The following NIBAN1 variants were observed in gnomAD, a reference collection of about 807,000 sequenced individuals.
NIBAN1 encodes niban apoptosis regulator 1, also known as protein Niban 1.
NIBAN1 carries 81 observed loss-of-function variants against 75.1 expected under a neutral mutation model. The ratio of observed to expected loss-of-function variants is 1.08; its 90% CI spans 0.90 to 1.30. The LOEUF is 1.30. Ranked by LOEUF, NIBAN1 falls within the 50% of genes most tolerant of loss-of-function variation. The pLI, the probability that NIBAN1 is intolerant of heterozygous loss-of-function variation, is 0.00. For missense variants in NIBAN1, 1,133 were observed against 1,128.1 expected (o/e 1.00, Z -0.06); for synonymous variants, 436 against 424.8 (o/e 1.03, Z -0.32).
chr1:184,807,320 G>GAAA (rs34125405), intron 10 of NIBAN1, among the ~76,000 whole-genome samples: 2 of 134,304 alleles, frequency 1.5e-5, no homozygotes, highest in Middle Eastern at 3.7e-3. Flanking sequence ...GGTTCCTTAT[G>GAAA]AAAAAAAAAA....
chr1:184,933,645 T>C (rs1362427438), intron 1 of NIBAN1, among the ~76,000 whole-genome samples: 1 of 152,230 alleles, frequency 6.6e-6, no homozygotes, highest in Non-Finnish European at 1.5e-5. Flanking sequence ...GGAAATGAAA[T>C]GTAGTTTTAT....
chr1:184,888,876 G>C (rs1378270184), intron 4 of NIBAN1, among the ~76,000 whole-genome samples: 1 of 152,172 alleles, frequency 6.6e-6, no homozygotes, highest in Non-Finnish European at 1.5e-5. Flanking sequence ...TGCACATAAA[G>C]TGTTGTTTTA....
At chr1:184,901,756 C>CT (rs35976993) in intron 1 of NIBAN1, among the ~76,000 whole-genome samples, 1 of 152,196 alleles carries the variant, frequency 6.6e-6, no homozygotes, top group Non-Finnish European at 1.5e-5. Context: ...GGACGCCCTG[C>CT]TTCTGGTGAG....
At chr1:184,910,850 G>T (rs923595985) in intron 1 of NIBAN1, among the ~76,000 whole-genome samples, 1 of 152,122 alleles carries the variant, frequency 6.6e-6, no homozygotes, top group African/African-American at 2.4e-5. Context: ...TGAGTAAGAC[G>T]AAATTTTCTC....
intron 1 of NIBAN1, among the ~76,000 whole-genome samples, chr1:184,931,394 G>A (rs1657819231): frequency 6.6e-6 from 1 of 152,172 alleles, no homozygotes; most frequent in African/African-American, 2.4e-5. Context: ...AGTTGCACGT[G>A]TACAATCTTG....
chr1:184,831,982 G>T lies in NIBAN1; in HGVS notation c.602-20C>A, dbSNP rs778922427. 5.1e-6 allele frequency: 8 copies of T among 1,576,020 alleles called. No homozygotes were observed. The highest frequency in any genetic ancestry group is 3.3e-5 in the Admixed American group (2 of 59,890). On this transcript the variant is annotated intron_variant, in intron 5 of 13. Coordinates refer to ENST00000367511, the MANE Select transcript of NIBAN1 (RefSeq NM_052966.4). ...TGTAATCTAAAGAAAAGAAGAAAGGGCATTCAGCAAGATAAAACACTCTAG... is the reference window on the plus strand; with the variant it reads ...TGTAATCTAAAGAAAAGAAGAAAGGTCATTCAGCAAGATAAAACACTCTAG...
intron 1 of NIBAN1, among the ~76,000 whole-genome samples, chr1:184,922,139 A>G (rs1657570719): frequency 6.6e-6 from 1 of 152,094 alleles, no homozygotes; most frequent in Admixed American, 6.5e-5. Context: ...AGGTATATGT[A>G]TTTATGGGAT....
At chr1:184,914,629 C>T (rs902194734) in intron 1 of NIBAN1, among the ~76,000 whole-genome samples, 18 of 151,908 alleles carry the variant, frequency 1.2e-4, no homozygotes, top group African/African-American at 4.4e-4. Context: ...CTATGGGATA[C>T]ATATGGGTAG....
chr1:184,888,994 C>A (rs1238459645), intron 4 of NIBAN1, among the ~76,000 whole-genome samples: 1 of 152,174 alleles, frequency 6.6e-6, no homozygotes, highest in Non-Finnish European at 1.5e-5. Flanking sequence ...ACCGAAATAA[C>A]AATTGATAAA....
In NIBAN1 at chr1:184,899,381, C is replaced by G. The variant is rs114640459; in HGVS notation, c.56-72G>C. On this transcript the variant is annotated intron_variant, in intron 1 of 13. Transcript: ENST00000367511. ...ACACCTATCTACAGAGTTCCAAAAA[C>G]CATCCCTCCAGTCTCTCTGTTTCTA... The G allele has an allele frequency of 1.7e-3, 2,574 of 1,495,774 alleles. 30 individuals are homozygous for G. In the African/African-American group the frequency reaches 0.031, roughly 18 times the overall value. 92.7% of individuals were successfully genotyped at this position (1,495,774 alleles called of 1,614,324 possible).
At chr1:184,960,981 C>G (rs1157213418) in intron 1 of NIBAN1, among the ~76,000 whole-genome samples, 1 of 150,956 alleles carries the variant, frequency 6.6e-6, no homozygotes, top group African/African-American at 2.4e-5. Flanking sequence ...CCCTCTTGCT[C>G]ACTACACTCC....
chr1:184,893,175 G>A (rs1656716406), intron 3 of NIBAN1, among the ~76,000 whole-genome samples: 1 of 152,138 alleles, frequency 6.6e-6, no homozygotes, highest in African/African-American at 2.4e-5. Flanking sequence ...GAGCTTGAGG[G>A]TCTATGCAGA....
At chr1:184,961,147 C>A (rs910126919) in intron 1 of NIBAN1, among the ~76,000 whole-genome samples, 1 of 142,968 alleles carries the variant, frequency 7.0e-6, no homozygotes, top group African/African-American at 2.6e-5. Flanking sequence ...CGGCTCACTG[C>A]AAGCTCCGCC....
intron 1 of NIBAN1, among the ~76,000 whole-genome samples, chr1:184,933,658 A>G (rs1571585258): frequency 6.6e-6 from 1 of 152,144 alleles, no homozygotes; most frequent in Non-Finnish European, 1.5e-5. Context: ...AGTTTTATCA[A>G]CTTTTGTATC....
rs1304877950 is a variant in NIBAN1 at position 184,838,079 on chromosome 1, T to G, written c.602-6117A>C. On this transcript the variant is annotated intron_variant, in intron 5 of 13. Transcript: ENST00000367511. Reference sequence around the variant, plus strand: ...TTTCTTTTTCTGATCTCTAACCTCTTTTTTAATACAACCACGTCACACTGT... The same window carrying G: ...TTTCTTTTTCTGATCTCTAACCTCTGTTTTAATACAACCACGTCACACTGT... Among the ~76,000 whole-genome samples, 5 of 152,328 alleles carry G rather than the reference T, an allele frequency of 3.3e-5. No individual in the cohort carries two copies. The East Asian group carries it at 7.7e-4, about 23-fold the overall frequency.
At chr1:184,972,575 C>T (rs1180125048) in intron 1 of NIBAN1, among the ~76,000 whole-genome samples, 2 of 152,158 alleles carry the variant, frequency 1.3e-5, no homozygotes, top group African/African-American at 4.8e-5. Context: ...CAAGTGCCCT[C>T]CTGAATATAG....
intron 9 of NIBAN1, among the ~76,000 whole-genome samples, chr1:184,816,721 C>T (rs138169210): frequency 0.015 from 2,212 of 152,128 alleles, 27 homozygotes; most frequent in Non-Finnish European, 0.024. Flanking sequence ...GTCCTTATTC[C>T]CTCCTTGCAA....
intron 5 of NIBAN1, among the ~76,000 whole-genome samples, chr1:184,878,910 T>C (rs760263412): frequency 6.6e-6 from 1 of 151,930 alleles, no homozygotes; most frequent in African/African-American, 2.4e-5. Flanking sequence ...AAATTTAGAG[T>C]TTCATGGACC....
chr1:184,969,890 G>C (rs780130561), intron 1 of NIBAN1, among the ~76,000 whole-genome samples: 9 of 151,916 alleles, frequency 5.9e-5, no homozygotes, highest in Non-Finnish European at 1.2e-4. Flanking sequence ...TGGGGGCTGG[G>C]CACAGAGGCT....
Sources: gnomAD v4.1 joint callset for allele counts (sites outside exome capture counted in the v4.1 genomes callset) on GRCh38, gnomAD v4.1.1 for gene constraint, MANE v1.5 for transcripts, NCBI Gene and HGNC (gene_info 2026-07-23, HGNC 2026-07-21) for gene names.